The following FGF14 variants were observed in gnomAD, a reference collection of about 807,000 sequenced individuals.
The protein encoded by FGF14 is fibroblast growth factor homologous factor 4.
FGF14 carries 5 observed loss-of-function variants against 25.5 expected under a neutral mutation model. The observed-to-expected ratio is 0.20, with a 90% CI of 0.10 to 0.41. The LOEUF is 0.41. FGF14 is among the 10% of genes least tolerant of loss of function. The pLI is 1.00. For synonymous variants in FGF14, 138 were observed against 118.3 expected, an observed-to-expected ratio of 1.17 and a Z score of -1.08; for missense variants, 222 against 320.1, an observed-to-expected ratio of 0.69 and a Z score of 2.34.
At chr13:102,207,485 T>C (rs1057189283) in intron 1 of FGF14, among the ~76,000 whole-genome samples, 3 of 151,180 alleles carry the variant, frequency 2.0e-5, no homozygotes, top group Admixed American at 6.6e-5. Flanking sequence ...CTTAGTAAAT[T>C]TTTTCAAAAA....
chr13:102,266,978 CA>C (rs1457165300), intron 1 of FGF14, among the ~76,000 whole-genome samples: 1 of 151,894 alleles, frequency 6.6e-6, no homozygotes, highest in Non-Finnish European at 1.5e-5. Context: ...AACAAAGAAA[CA>C]GACAAAATTT....
chr13:102,148,634 C>T (rs551514562), intron 1 of FGF14, among the ~76,000 whole-genome samples: 4 of 152,074 alleles, frequency 2.6e-5, no homozygotes, highest in African/African-American at 9.7e-5. Context: ...CAGGGTGAAA[C>T]CCCGTCTCTA....
At chr13:101,844,735 A>G (rs1050220825) in intron 3 of FGF14, among the ~76,000 whole-genome samples, 6 of 152,042 alleles carry the variant, frequency 3.9e-5, no homozygotes, top group Admixed American at 2.6e-4. Flanking sequence ...TAATCTCCCT[A>G]TATCACATAC....
intron 1 of FGF14, among the ~76,000 whole-genome samples, chr13:102,242,628 G>A (rs2051659969): frequency 6.6e-6 from 1 of 152,038 alleles, no homozygotes; most frequent in African/African-American, 2.4e-5. Context: ...GAGCCCTCAT[G>A]CCCTAATCAC....
chr13:101,741,564 C>G (rs548168609), intron 3 of FGF14, among the ~76,000 whole-genome samples: 1 of 150,954 alleles, frequency 6.6e-6, no homozygotes, highest in Non-Finnish European at 1.5e-5. Context: ...CTGATGTCAA[C>G]GGCAAATCCA....
At chr13:102,304,100 C>T (rs2055233229) in intron 1 of FGF14, among the ~76,000 whole-genome samples, 1 of 152,036 alleles carries the variant, frequency 6.6e-6, no homozygotes, top group South Asian at 2.1e-4. Flanking sequence ...AAATCATCAT[C>T]ATCATCATCA....
At chr13:102,275,531 C>A (rs1486840962) in intron 1 of FGF14, among the ~76,000 whole-genome samples, 1 of 152,012 alleles carries the variant, frequency 6.6e-6, no homozygotes, top group Non-Finnish European at 1.5e-5. Flanking sequence ...AAGTAAAGAT[C>A]CAAGTATTCA....
At chr13:101,906,676 T>G (rs565608753) in intron 1 of FGF14, among the ~76,000 whole-genome samples, 64 of 152,292 alleles carry the variant, frequency 4.2e-4, no homozygotes, top group Middle Eastern at 3.4e-3. Context: ...AGAGATAATA[T>G]TATCATGTCT....
At chr13:101,832,500 G>T (rs2042722933) in intron 3 of FGF14, among the ~76,000 whole-genome samples, 1 of 152,056 alleles carries the variant, frequency 6.6e-6, no homozygotes, top group South Asian at 2.1e-4. Context: ...GCTTGAGTTG[G>T]TCACTTCTGA....
chr13:101,928,566 C>A (rs2034531613), intron 1 of FGF14, among the ~76,000 whole-genome samples: 1 of 151,918 alleles, frequency 6.6e-6, no homozygotes, highest in African/African-American at 2.4e-5. Flanking sequence ...GAGACAGAGT[C>A]CCACTCTGTT....
At chr13:102,193,684 T>C (rs550786229) in intron 1 of FGF14, among the ~76,000 whole-genome samples, 32 of 152,294 alleles carry the variant, frequency 2.1e-4, no homozygotes, top group African/African-American at 7.0e-4. Flanking sequence ...GTTAACCAGT[T>C]ACTACACATG....
At chr13:102,107,239 C>T (rs1284934761) in intron 1 of FGF14, among the ~76,000 whole-genome samples, 1 of 152,154 alleles carries the variant, frequency 6.6e-6, no homozygotes, top group Non-Finnish European at 1.5e-5. Context: ...TTGCTGACCC[C>T]TTAGAAATCT....
At chr13:101,985,560 T>C (rs2038527168) in intron 1 of FGF14, among the ~76,000 whole-genome samples, 2 of 152,102 alleles carry the variant, frequency 1.3e-5, no homozygotes, top group African/African-American at 4.8e-5. Context: ...GCATTAGTAC[T>C]GTCCTTCATG....
At chr13:102,085,211 C>T (rs965535608) in intron 1 of FGF14, among the ~76,000 whole-genome samples, 38 of 151,598 alleles carry the variant, frequency 2.5e-4, no homozygotes, top group Non-Finnish European at 4.4e-5. Flanking sequence ...TTTCTCTTTC[C>T]TTTTTTCCCC....
At chr13:102,034,855 T>C (rs61966512) in intron 1 of FGF14, among the ~76,000 whole-genome samples, 20,554 of 152,000 alleles carry the variant, frequency 0.14, 2,425 homozygotes, top group African/African-American at 0.32. Flanking sequence ...AGACTCTCTA[T>C]GAACAGAGTC....
At chr13:101,936,249 T>C (rs1009086965) in intron 1 of FGF14, among the ~76,000 whole-genome samples, 49 of 152,288 alleles carry the variant, frequency 3.2e-4, no homozygotes, top group African/African-American at 1.2e-3. Flanking sequence ...CCACGAGGGT[T>C]GTGGGCACTT....
chr13:102,251,820 C>T (rs2052190229), intron 1 of FGF14, among the ~76,000 whole-genome samples: 1 of 152,152 alleles, frequency 6.6e-6, no homozygotes, highest in Non-Finnish European at 1.5e-5. Context: ...TCTCCTTCCA[C>T]CAAGCCTCAT....
intron 3 of FGF14, among the ~76,000 whole-genome samples, chr13:101,765,648 T>C (rs1457669143): frequency 1.3e-5 from 2 of 152,082 alleles, no homozygotes; most frequent in Non-Finnish European, 2.9e-5. Context: ...GAAGACCACA[T>C]AAGAGAATCA....
At position 102,275,234 on chromosome 13, in the gene FGF14, T is replaced by TTCTCCCTCTCTCTC. The variant is rs2053455274; in HGVS notation, c.208+126236_208+126237insGAGAGAGAGGGAGA. Among the ~76,000 whole-genome samples the TTCTCCCTCTCTCTC allele has an allele frequency of 1.2e-4, 8 of 67,490 alleles. No homozygotes were observed. In the East Asian group the frequency reaches 2.2e-3, roughly 18 times the overall value. The allele number at this position is 67,490 out of a possible 152,430, so 44.3% of individuals were successfully genotyped here. A position where few individuals can be genotyped will look rare whatever the true frequency, so the allele number is the denominator to read the frequency against. On this transcript the variant is annotated intron_variant, in intron 1 of 4. Coordinates refer to the FGF14 transcript ENST00000376131. Reference sequence around the variant, plus strand: ...ATCTGCCAACTGAGATTAGGCAGATTTCTCTCTCTCTCTCTCTCTCTCTCT... The same window carrying TTCTCCCTCTCTCTC: ...ATCTGCCAACTGAGATTAGGCAGATTTCTCCCTCTCTCTCTCTCTCTCTCTCTCTCTCTCTCTCT...
Sources: gnomAD v4.1 joint callset for allele counts (sites outside exome capture counted in the v4.1 genomes callset) on GRCh38, gnomAD v4.1.1 for gene constraint, MANE v1.5 for transcripts, NCBI Gene and HGNC (gene_info 2026-07-23, HGNC 2026-07-21) for gene names.